Variants in RBFOX1 observed in about 807,000 individuals in gnomAD.
RBFOX1 encodes RNA binding fox-1 homolog 1, also known as RNA binding protein fox-1 homolog 1.
Under a neutral mutation model 57.7 loss-of-function variants are expected in RBFOX1, and 8 were observed. The observed-to-expected ratio is 0.14, with a 90% CI of 0.08 to 0.25. The LOEUF (loss-of-function observed/expected upper bound fraction) is 0.25, where lower values mean the gene tolerates loss of function less well. RBFOX1 is among the 10% of genes least tolerant of loss of function. RBFOX1 has a pLI of 1.00. For missense variants in RBFOX1, 611 were observed against 548.5 expected (o/e 1.11, Z -1.14); for synonymous variants, 326 against 222.4 (o/e 1.47, Z -4.15).
In RBFOX1 at chr16:6,088,098, C is replaced by T. The variant is rs564294079; in HGVS notation, c.-127+68106C>T. ...TGAATTTTAGAGAGAAGAGGTTCAC[C>T]GTCTCGTTATTTCAACCTCATCATC... On this transcript the variant is annotated intron_variant, in intron 1 of 15. Transcript: ENST00000550418. Among the ~76,000 whole-genome samples the T allele has an allele frequency of 2.3e-3, 356 of 152,232 alleles. 1 individual carries two copies. The highest frequency in any genetic ancestry group is 5.9e-3 in the African/African-American group (245 of 41,532).
At chr16:5,842,566 A>G (rs1318309418) in intron 3 of RBFOX1, among the ~76,000 whole-genome samples, 2 of 152,170 alleles carry the variant, frequency 1.3e-5, no homozygotes, top group Non-Finnish European at 2.9e-5. Context: ...TTTTAAACTT[A>G]TTAAACATTT....
chr16:7,110,065 A>G (rs1205003184), intron 4 of RBFOX1, among the ~76,000 whole-genome samples: 1 of 152,016 alleles, frequency 6.6e-6, no homozygotes, highest in Non-Finnish European at 1.5e-5. Context: ...CTAATCACTA[A>G]GAATCTCTGT....
chr16:6,384,060 C>CT (rs5815305), intron 2 of RBFOX1, among the ~76,000 whole-genome samples: 192 of 126,616 alleles, frequency 1.5e-3, no homozygotes, highest in East Asian at 2.8e-3. Flanking sequence ...ATTGGTTTTG[C>CT]TTTTTTTTTT....
chr16:6,572,635 C>G (rs951018045), intron 2 of RBFOX1, among the ~76,000 whole-genome samples: 1 of 152,002 alleles, frequency 6.6e-6, no homozygotes, highest in Admixed American at 6.6e-5. Context: ...CTCTGTCACC[C>G]AGGCTGGAGT....
chr16:6,931,340 T>TACACACACACACACAC (rs1555640313), intron 3 of RBFOX1, among the ~76,000 whole-genome samples: 2 of 106,938 alleles, frequency 1.9e-5, no homozygotes, highest in African/African-American at 6.6e-5. Flanking sequence ...TATCTATCTC[T>TACACACACACACACAC]ACACACACAC....
intron 2 of RBFOX1, among the ~76,000 whole-genome samples, chr16:5,541,380 C>G (rs985512247): frequency 1.8e-4 from 27 of 151,922 alleles, no homozygotes; most frequent in Non-Finnish European, 1.5e-5. Context: ...TGACATGTGC[C>G]CAAGGTAGTC....
chr16:5,720,736 C>T (rs761514980), intron 3 of RBFOX1, among the ~76,000 whole-genome samples: 5 of 152,242 alleles, frequency 3.3e-5, no homozygotes, highest in Middle Eastern at 3.4e-3. Flanking sequence ...ATCACTTATT[C>T]GTAAATAAAA....
intron 3 of RBFOX1, among the ~76,000 whole-genome samples, chr16:6,716,047 C>G (rs541599482): frequency 6.6e-6 from 1 of 152,120 alleles, no homozygotes; most frequent in Non-Finnish European, 1.5e-5. Context: ...GTTTTGTGAG[C>G]TCACACTGCT....
chr16:6,554,077 T>C (rs1778610072), intron 2 of RBFOX1, among the ~76,000 whole-genome samples: 1 of 151,852 alleles, frequency 6.6e-6, no homozygotes, highest in African/African-American at 2.4e-5. Context: ...GGCCTTAACA[T>C]AACAGTTTAA....
intron 2 of RBFOX1, among the ~76,000 whole-genome samples, chr16:6,607,828 G>C (rs557070658): frequency 2.0e-5 from 3 of 152,300 alleles, no homozygotes; most frequent in East Asian, 1.9e-4. Context: ...TAGAATGGGA[G>C]AACAAACTTA....
intron 3 of RBFOX1, among the ~76,000 whole-genome samples, chr16:7,011,198 A>G (rs978499680): frequency 6.6e-6 from 1 of 152,158 alleles, no homozygotes; most frequent in Admixed American, 6.5e-5. Flanking sequence ...ATTAGCAGTC[A>G]TTCGTGGAGT....
At chr16:7,571,235 C>A (rs1567888686) in intron 5 of RBFOX1, among the ~76,000 whole-genome samples, 1 of 152,140 alleles carries the variant, frequency 6.6e-6, no homozygotes, top group East Asian at 1.9e-4. Context: ...CTTCCCTGTG[C>A]TTCTGTACCC....
At chr16:5,797,892 A>G (rs74004603) in intron 3 of RBFOX1, among the ~76,000 whole-genome samples, 5,514 of 152,246 alleles carry the variant, frequency 0.036, 325 homozygotes, top group African/African-American at 0.12. Context: ...CTCTGGAAGG[A>G]TGTCCGCACT....
chr16:6,742,528 TATACACA>T (rs2072495938), intron 3 of RBFOX1, among the ~76,000 whole-genome samples: 1 of 152,170 alleles, frequency 6.6e-6, no homozygotes, highest in South Asian at 2.1e-4. Context: ...CCCAGAAAGC[TATACACA>T]ATTATTGTCA....
At chr16:6,348,568 C>A (rs566489810) in intron 2 of RBFOX1, among the ~76,000 whole-genome samples, 1 of 152,050 alleles carries the variant, frequency 6.6e-6, no homozygotes, top group Non-Finnish European at 1.5e-5. Context: ...TGGTTCTGCA[C>A]GCTGTACAGG....
intron 1 of RBFOX1, among the ~76,000 whole-genome samples, chr16:6,210,658 G>C (rs2081084612): frequency 6.6e-6 from 1 of 152,030 alleles, no homozygotes; most frequent in Non-Finnish European, 1.5e-5. Flanking sequence ...GGAAGGTTGA[G>C]GCTGCATTGA....
chr16:6,270,223 G>A (rs184018762), intron 1 of RBFOX1, among the ~76,000 whole-genome samples: 1 of 152,056 alleles, frequency 6.6e-6, no homozygotes, highest in East Asian at 1.9e-4. Flanking sequence ...GCAAAATTAA[G>A]CACTAACATA....
At chr16:6,021,129 G>C (rs1172471356) in intron 1 of RBFOX1, among the ~76,000 whole-genome samples, 2 of 152,222 alleles carry the variant, frequency 1.3e-5, no homozygotes, top group Admixed American at 1.3e-4. Context: ...AGAAGTGGGG[G>C]AGTGTGGTGA....
intron 4 of RBFOX1, among the ~76,000 whole-genome samples, chr16:7,170,475 C>T (rs1161359453): frequency 7.2e-5 from 11 of 152,026 alleles, no homozygotes; most frequent in African/African-American, 2.4e-4. Flanking sequence ...AGAGTCTTGG[C>T]GTGTTGCCCA....
Sources: allele counts gnomAD v4.1 joint callset (sites outside exome capture counted in the v4.1 genomes callset), GRCh38; gene constraint gnomAD v4.1.1; transcripts MANE v1.5; gene names NCBI Gene and HGNC (gene_info 2026-07-23, HGNC 2026-07-21).